The following SCFD2 variants were observed in gnomAD, a reference collection of about 807,000 sequenced individuals.
The protein encoded by SCFD2 is sec1 family domain containing 2, also known as sec1 family domain-containing protein 2.
In SCFD2, 54 loss-of-function variants were observed where a neutral mutation model predicts 58.9. The ratio of observed to expected loss-of-function variants is 0.92; its 90% CI spans 0.74 to 1.15. SCFD2 has a LOEUF of 1.15. SCFD2 is among the 50% of genes most tolerant of loss of function. The pLI, the probability that SCFD2 is intolerant of heterozygous loss-of-function variation, is 0.00. For synonymous variants in SCFD2, 321 were observed against 335.9 expected (o/e 0.96, Z 0.49); for missense variants, 805 against 836.6 (o/e 0.96, Z 0.47).
chr4:53,270,536 G>A (rs1031446786), intron 4 of SCFD2, among the ~76,000 whole-genome samples: 11 of 152,206 alleles, frequency 7.2e-5, no homozygotes, highest in African/African-American at 2.7e-4. Context: ...TTGGTATCAA[G>A]TGTGGAAATG....
At chr4:53,170,024 GC>G (rs371650951) in intron 4 of SCFD2, among the ~76,000 whole-genome samples, 4 of 152,234 alleles carry the variant, frequency 2.6e-5, no homozygotes, top group African/African-American at 9.6e-5. Flanking sequence ...CTATGTAGAA[GC>G]TTTTTTAATT....
chr4:52,984,227 T>G (rs964654358), intron 5 of SCFD2, among the ~76,000 whole-genome samples: 1 of 152,228 alleles, frequency 6.6e-6, no homozygotes, highest in Non-Finnish European at 1.5e-5. Context: ...CTCTGGAGGC[T>G]ATATTGGATA....
At chr4:53,249,872 C>T (rs1730288066) in intron 4 of SCFD2, among the ~76,000 whole-genome samples, 1 of 152,166 alleles carries the variant, frequency 6.6e-6, no homozygotes, top group South Asian at 2.1e-4. Flanking sequence ...ACCATCAAGG[C>T]TAGGAAGAAA....
At chr4:53,346,300 G>T (rs7699124) in intron 2 of SCFD2, among the ~76,000 whole-genome samples, 2 of 145,106 alleles carry the variant, frequency 1.4e-5, no homozygotes. Context: ...TTGAGAGGGA[G>T]TTTCACTCTT....
chr4:53,248,083 G>A (rs924192024), intron 4 of SCFD2, among the ~76,000 whole-genome samples: 35 of 152,296 alleles, frequency 2.3e-4, no homozygotes, highest in Admixed American at 4.6e-4. Flanking sequence ...TGCGCCACCC[G>A]AAGCAGGGCG....
Position 53,154,019 on chromosome 4 carries a change from C to G in SCFD2, c.1312-8437G>C, listed in dbSNP as rs556502973. ...TTGGTCACAACTATTGAACCACTCT[C>G]TAATAAGCTCCAAACTTCCCCTCAT... On this transcript the variant is annotated intron_variant, in intron 4 of 8. Coordinates refer to ENST00000401642, the MANE Select transcript of SCFD2 (RefSeq NM_152540.4). 5.3e-5 allele frequency among the ~76,000 whole-genome samples: 8 copies of G among 152,322 alleles called. No individual in the cohort carries two copies. The East Asian group carries it at 1.5e-3, about 29-fold the overall frequency.
chr4:53,208,092 G>A (rs576700846), intron 4 of SCFD2, among the ~76,000 whole-genome samples: 12 of 151,684 alleles, frequency 7.9e-5, no homozygotes, highest in African/African-American at 2.9e-4. Flanking sequence ...GAGTAGCTGG[G>A]ACTACAGGTG....
intron 4 of SCFD2, among the ~76,000 whole-genome samples, chr4:53,204,178 C>T (rs1728337060): frequency 6.6e-6 from 1 of 152,028 alleles, no homozygotes; most frequent in Admixed American, 6.6e-5. Flanking sequence ...TAGCCTGTTC[C>T]ATTGGCTTTT....
At chr4:52,985,044 G>A (rs975888703) in intron 5 of SCFD2, among the ~76,000 whole-genome samples, 1 of 152,134 alleles carries the variant, frequency 6.6e-6, no homozygotes, top group African/African-American at 2.4e-5. Context: ...GTAGGACATG[G>A]GTATTTAAAA....
chr4:53,044,343 G>C (rs1381902798), intron 5 of SCFD2, among the ~76,000 whole-genome samples: 2 of 151,798 alleles, frequency 1.3e-5, no homozygotes, highest in Non-Finnish European at 2.9e-5. Flanking sequence ...CTGCAATCCT[G>C]CTCCCTCCCC....
chr4:52,997,052 T>G (rs1207328698), intron 5 of SCFD2, among the ~76,000 whole-genome samples: 1 of 152,216 alleles, frequency 6.6e-6, no homozygotes, highest in African/African-American at 2.4e-5. Context: ...TTATCTTGCT[T>G]CAGGGGCATG....
At chr4:53,111,984 T>C (rs889000934) in intron 5 of SCFD2, among the ~76,000 whole-genome samples, 15 of 152,014 alleles carry the variant, frequency 9.9e-5, no homozygotes, top group African/African-American at 3.4e-4. Context: ...TAGTCAAAGA[T>C]AAATGTGCTA....
intron 5 of SCFD2, among the ~76,000 whole-genome samples, chr4:53,034,721 C>T (rs1247230580): frequency 6.6e-6 from 1 of 151,978 alleles, no homozygotes; most frequent in Non-Finnish European, 1.5e-5. Context: ...ACTCCCATTC[C>T]CAATTGCTAC....
intron 5 of SCFD2, among the ~76,000 whole-genome samples, chr4:52,935,015 G>A (rs1402256522): frequency 6.6e-6 from 1 of 152,210 alleles, no homozygotes; most frequent in Non-Finnish European, 1.5e-5. Flanking sequence ...AATGTGGCCA[G>A]TGTGACAGGG....
intron 4 of SCFD2, among the ~76,000 whole-genome samples, chr4:53,266,671 A>T (rs976912732): frequency 9.2e-5 from 14 of 152,244 alleles, no homozygotes; most frequent in African/African-American, 3.4e-4. Flanking sequence ...TCATAAACAT[A>T]TCCACGATCC....
At chr4:52,943,244 A>T (rs192797189) in intron 5 of SCFD2, among the ~76,000 whole-genome samples, 1 of 152,136 alleles carries the variant, frequency 6.6e-6, no homozygotes, top group Admixed American at 6.6e-5. Flanking sequence ...ACAAAACAAA[A>T]CAAAACAAAA....
chr4:53,226,763 G>T (rs756865154), intron 4 of SCFD2, among the ~76,000 whole-genome samples: 1 of 152,116 alleles, frequency 6.6e-6, no homozygotes, highest in Admixed American at 6.6e-5. Flanking sequence ...AGCTTACTTG[G>T]ACTTGAAGGA....
chr4:53,228,306 G>C (rs1252499577), intron 4 of SCFD2, among the ~76,000 whole-genome samples: 1 of 152,140 alleles, frequency 6.6e-6, no homozygotes, highest in East Asian at 1.9e-4. Context: ...TGAAACAAAA[G>C]TGATAAGGGT....
intron 8 of SCFD2, among the ~76,000 whole-genome samples, chr4:52,879,273 C>T (rs1441741863): frequency 6.6e-6 from 1 of 152,184 alleles, no homozygotes; most frequent in African/African-American, 2.4e-5. Flanking sequence ...ATACCTTCCA[C>T]AAAAACAGCC....
Sources: allele counts gnomAD v4.1 joint callset (sites outside exome capture counted in the v4.1 genomes callset), GRCh38; gene constraint gnomAD v4.1.1; transcripts MANE v1.5; gene names NCBI Gene and HGNC (gene_info 2026-07-23, HGNC 2026-07-21).